Variants in ST3GAL3 observed in about 807,000 individuals in gnomAD.
The protein encoded by ST3GAL3 is CMP-N-acetylneuraminate-beta-1,4-galactoside alpha-2,3-sialyltransferase.
Under a neutral mutation model 50.1 loss-of-function variants are expected in ST3GAL3, and 21 were observed. The observed-to-expected ratio is 0.42, with a 90% CI of 0.30 to 0.60. The LOEUF (loss-of-function observed/expected upper bound fraction) is 0.60, where lower values mean the gene tolerates loss of function less well. ST3GAL3 is among the 20% of genes least tolerant of loss of function. The pLI is 0.19. For missense variants in ST3GAL3, 353 were observed against 489.4 expected (o/e 0.72, Z 2.63); for synonymous variants, 183 against 190.0 (o/e 0.96, Z 0.30).
chr1:43,897,466 C>T (rs932692402), intron 6 of ST3GAL3, among the ~76,000 whole-genome samples: 6 of 152,112 alleles, frequency 3.9e-5, no homozygotes, highest in Non-Finnish European at 8.8e-5. Flanking sequence ...AAGCCAATAC[C>T]CTTGCTATTC....
intron 5 of ST3GAL3, among the ~76,000 whole-genome samples, chr1:43,854,330 C>G (rs2067923845): frequency 6.6e-6 from 1 of 152,192 alleles, no homozygotes; most frequent in African/African-American, 2.4e-5. Context: ...AAAGCACTGA[C>G]AAATCCGACA....
intron 3 of ST3GAL3, among the ~76,000 whole-genome samples, chr1:43,798,874 A>G (rs1265672766): frequency 1.3e-5 from 2 of 152,218 alleles, no homozygotes; most frequent in Non-Finnish European, 2.9e-5. Flanking sequence ...GTAGGTGTTA[A>G]ATAAATAGGT....
chr1:43,911,506 T>C (rs2080834704), intron 9 of ST3GAL3, among the ~76,000 whole-genome samples: 2 of 145,928 alleles, frequency 1.4e-5, no homozygotes, highest in South Asian at 2.1e-4. Flanking sequence ...TAGATATAGA[T>C]ACATCTATAG....
chr1:43,927,845 C>T (rs1200616511), intron 11 of ST3GAL3, among the ~76,000 whole-genome samples: 2 of 151,972 alleles, frequency 1.3e-5, no homozygotes, highest in Non-Finnish European at 2.9e-5. Context: ...TGAGGGACAA[C>T]GGGGTGTAAG....
intron 5 of ST3GAL3, among the ~76,000 whole-genome samples, chr1:43,853,276 A>G (rs2067688893): frequency 1.3e-5 from 2 of 152,356 alleles, no homozygotes; most frequent in South Asian, 2.1e-4. Context: ...GCAGAGTGAT[A>G]CTAGCAGCAG....
chr1:43,778,168 G>A (rs1697997991), intron 2 of ST3GAL3, among the ~76,000 whole-genome samples: 1 of 152,178 alleles, frequency 6.6e-6, no homozygotes, highest in South Asian at 2.1e-4. Context: ...TCAGAAAGCT[G>A]ATACAGGAAC....
At chr1:43,817,622 C>CCTCCCT (rs2061499519) in intron 4 of ST3GAL3, among the ~76,000 whole-genome samples, 1 of 125,222 alleles carries the variant, frequency 8.0e-6, no homozygotes, top group Admixed American at 7.9e-5. Flanking sequence ...TCCTTCTCCT[C>CCTCCCT]CTCCCTTCTC....
chr1:43,903,078 G>A (rs1028747848), intron 9 of ST3GAL3, among the ~76,000 whole-genome samples: 3 of 152,206 alleles, frequency 2.0e-5, no homozygotes, highest in Non-Finnish European at 2.9e-5. Flanking sequence ...GAGTGAGTGG[G>A]TGAAAGGAAT....
chr1:43,920,721 C>T, intron 10 of ST3GAL3, 61 bp from the exon 11 acceptor site: 1 of 1,613,318 alleles, frequency 6.2e-7, no homozygotes, highest in Non-Finnish European at 8.5e-7. Flanking sequence ...GAAGTCTCAG[C>T]TGTCCCAGCC....
At position 43,838,380 on chromosome 1, in the gene ST3GAL3, C is replaced by T. The variant is rs568382648; in HGVS notation, c.302+69C>T. The T allele has an allele frequency of 4.0e-4, 554 of 1,370,462 alleles. 4 individuals carry two copies. In the South Asian group the frequency reaches 6.1e-3, roughly 15 times the overall value. The allele number at this position is 1,370,462 out of a possible 1,614,324, so 84.9% of individuals were successfully genotyped here. On this transcript the variant is annotated intron_variant, in intron 5 of 11. Transcript: ENST00000347631. ...GGGGTCCAAGAGCCAGAAACTCTGC[C>T]TCTCACAGCCAGTCATGTTCTCCTA...
intron 2 of ST3GAL3, among the ~76,000 whole-genome samples, chr1:43,744,073 A>G (rs1463308266): frequency 6.6e-6 from 1 of 152,160 alleles, no homozygotes; most frequent in African/African-American, 2.4e-5. Context: ...AAAAAAGCCA[A>G]CATGAAAAAT....
chr1:43,780,118 A>G (rs1311133992), intron 2 of ST3GAL3, among the ~76,000 whole-genome samples: 1 of 152,154 alleles, frequency 6.6e-6, no homozygotes, highest in African/African-American at 2.4e-5. Context: ...CTGAGAAAGG[A>G]TACATGAGAG....
chr1:43,771,288 T>G (rs1175520014), intron 2 of ST3GAL3, among the ~76,000 whole-genome samples: 1 of 152,204 alleles, frequency 6.6e-6, no homozygotes. Flanking sequence ...AATTAGAGAT[T>G]TATTTTCCAG....
At chr1:43,853,343 A>AT (rs1374687765) in intron 5 of ST3GAL3, among the ~76,000 whole-genome samples, 22 of 152,168 alleles carry the variant, frequency 1.4e-4, no homozygotes, top group African/African-American at 5.1e-4. Context: ...CCATGCTGAG[A>AT]TTTTTTCATA....
intron 4 of ST3GAL3, among the ~76,000 whole-genome samples, chr1:43,816,356 T>C (rs1243042399): frequency 6.6e-6 from 1 of 152,168 alleles, no homozygotes. Flanking sequence ...TTACACATTA[T>C]GAAGGCAACT....
chr1:43,748,588 T>TA (rs201182334), intron 2 of ST3GAL3, among the ~76,000 whole-genome samples: 4 of 151,176 alleles, frequency 2.6e-5, no homozygotes, highest in Admixed American at 6.6e-5. Context: ...CCAGCCAATT[T>TA]AAAAAAAAAA....
At chr1:43,890,253 C>T (rs570341418) in intron 5 of ST3GAL3, among the ~76,000 whole-genome samples, 9 of 152,058 alleles carry the variant, frequency 5.9e-5, no homozygotes, top group African/African-American at 9.6e-5. Context: ...GCATAATTTC[C>T]GGGAATTTTC....
At chr1:43,731,778 C>T (rs1676014435) in intron 1 of ST3GAL3, among the ~76,000 whole-genome samples, 1 of 151,808 alleles carries the variant, frequency 6.6e-6, no homozygotes. Context: ...GTGATCCACC[C>T]ACCTTGGCCT....
rs539507944 is a variant in ST3GAL3, at chr1:43,820,562, G to A, written c.209+5629G>A. Among the ~76,000 whole-genome samples, 473 of 152,180 alleles carry A rather than the reference G, an allele frequency of 3.1e-3. 3 individuals carry two copies. Among genetic ancestry groups the A allele is most frequent in the African/African-American group, 0.011 (444 of 41,508 alleles). The stretch of plus-strand genomic sequence containing the variant: ...ACTCCTAAAATACCTTATGTCTAGT[G>A]ATATTCCAAAAGCCTGGAAATAGAC... On this transcript the variant is annotated intron_variant, in intron 4 of 11. Transcript: ENST00000347631.
Sources: allele counts gnomAD v4.1 joint callset (sites outside exome capture counted in the v4.1 genomes callset), GRCh38; gene constraint gnomAD v4.1.1; transcripts MANE v1.5; gene names NCBI Gene and HGNC (gene_info 2026-07-23, HGNC 2026-07-21).